Variants in NEBL observed in about 807,000 individuals in gnomAD.
NEBL encodes LIM and SH3 protein 2.
In NEBL, 122 loss-of-function variants were observed where a neutral mutation model predicts 140.2. The observed-to-expected ratio is 0.87, with a 90% CI of 0.75 to 1.01. NEBL has a LOEUF of 1.01. NEBL is among the 50% of genes least tolerant of loss of function. The probability of loss-of-function intolerance (pLI) is 0.00; values close to 1 mark genes in which losing one functional copy is unlikely to be tolerated. For missense variants in NEBL, 1,365 were observed against 1,231.3 expected (o/e 1.11, Z -1.62); for synonymous variants, 436 against 398.9 (o/e 1.09, Z -1.11).
intron 1 of NEBL, among the ~76,000 whole-genome samples, chr10:21,291,464 C>T (rs149599629): frequency 0.019 from 2,880 of 151,056 alleles, 31 homozygotes; most frequent in Non-Finnish European, 0.024. Flanking sequence ...CCATATCACA[C>T]CACTGCACTC....
intron 3 of NEBL, among the ~76,000 whole-genome samples, chr10:21,200,617 C>T (rs1399975634): frequency 2.6e-5 from 4 of 152,146 alleles, no homozygotes; most frequent in African/African-American, 7.2e-5. Flanking sequence ...CCCAACCCCA[C>T]GGGAATTTTA....
intron 11 of NEBL, among the ~76,000 whole-genome samples, chr10:20,846,673 TCTAGGCTAAA>T (rs1410567181): frequency 1.3e-5 from 2 of 152,276 alleles, no homozygotes; most frequent in Non-Finnish European, 1.5e-5. Context: ...CTAGGGCATC[TCTAGGCTAAA>T]AAGGACTCTT....
At chr10:20,835,105 C>T (rs1840746163) in intron 14 of NEBL, among the ~76,000 whole-genome samples, 1 of 152,158 alleles carries the variant, frequency 6.6e-6, no homozygotes, top group South Asian at 2.1e-4. Flanking sequence ...GACTATTGTT[C>T]TCATGTAAAG....
intron 7 of NEBL, among the ~76,000 whole-genome samples, chr10:20,862,288 T>G (rs1206363355): frequency 6.6e-6 from 1 of 152,208 alleles, no homozygotes; most frequent in Admixed American, 6.5e-5. Context: ...GAACGTTCAG[T>G]ACAGTGAGTG....
chr10:20,812,404 G>A (rs1411157753), intron 24 of NEBL, among the ~76,000 whole-genome samples: 3 of 151,682 alleles, frequency 2.0e-5, no homozygotes, highest in Non-Finnish European at 2.9e-5. Context: ...CATGTGCCAC[G>A]TTGGTGTGCT....
intron 3 of NEBL, among the ~76,000 whole-genome samples, chr10:20,967,345 G>T (rs1197080445): frequency 6.6e-6 from 1 of 152,148 alleles, no homozygotes; most frequent in Non-Finnish European, 1.5e-5. Context: ...TGTAGACACA[G>T]GGCTGGGCAT....
rs527868990 is a variant in NEBL at position 20,805,839 on chromosome 10, C to T, written c.2761+2671G>A. ...CTGCACTCCAGGCTGAGTGACACAG[C>T]GAGACTCCGTCTCAAAAAAAAAAAA... is the stretch of plus-strand genomic sequence containing the variant. On this transcript the variant is annotated intron_variant, in intron 26 of 27. Coordinates refer to ENST00000377122, the MANE Select transcript of NEBL (RefSeq NM_006393.3). 2.1e-4 allele frequency among the ~76,000 whole-genome samples: 31 copies of T among 145,378 alleles called. 1 individual carries two copies. Among genetic ancestry groups the T allele is most frequent in the South Asian group, 9.1e-4 (4 of 4,392 alleles).
intron 12 of NEBL, 95 bp downstream of exon 12, chr10:20,845,163 T>C: frequency 2.6e-6 from 2 of 778,402 alleles, no homozygotes; most frequent in Non-Finnish European, 4.3e-6. Context: ...CCTTAATATC[T>C]GAAACACTGA....
chr10:20,902,981 A>T (rs1847934174), intron 4 of NEBL, among the ~76,000 whole-genome samples: 1 of 152,188 alleles, frequency 6.6e-6, no homozygotes, highest in Non-Finnish European at 1.5e-5. Context: ...TTATCTTTGA[A>T]CTACTTCACG....
chr10:21,080,631 G>A (rs1342906342), intron 2 of NEBL, among the ~76,000 whole-genome samples: 1 of 152,176 alleles, frequency 6.6e-6, no homozygotes, highest in African/African-American at 2.4e-5. Context: ...AGCTCTGGTT[G>A]CTTTTAACTA....
At chr10:20,837,896 T>C (rs1248088355) in intron 13 of NEBL, among the ~76,000 whole-genome samples, 1 of 152,180 alleles carries the variant, frequency 6.6e-6, no homozygotes, top group Non-Finnish European at 1.5e-5. Flanking sequence ...GTTTAAAGTA[T>C]GGTTTACTGA....
At chr10:21,058,227 T>C (rs1034734327) in intron 2 of NEBL, among the ~76,000 whole-genome samples, 4 of 152,236 alleles carry the variant, frequency 2.6e-5, no homozygotes, top group Admixed American at 6.5e-5. Context: ...GCTAGACTTG[T>C]GTCCTTGCAT....
intron 9 of NEBL, among the ~76,000 whole-genome samples, chr10:20,855,429 T>A (rs1842966907): frequency 6.6e-6 from 1 of 150,840 alleles, no homozygotes; most frequent in South Asian, 2.1e-4. Flanking sequence ...ATAATGAATA[T>A]ATACTGAAAA....
upstream of NEBL, among the ~76,000 whole-genome samples, chr10:20,900,641 T>G (rs1334466055): frequency 6.9e-6 from 1 of 145,774 alleles, no homozygotes; most frequent in Non-Finnish European, 1.5e-5. Context: ...CTAGGCAACA[T>G]GGTGAAACCC....
rs143005187 is a variant in NEBL at position 21,185,108 on chromosome 10, C to G, written n.349-12631G>C. Among the ~76,000 whole-genome samples, 47 of 152,314 alleles carry G rather than the reference C, an allele frequency of 3.1e-4. No individual in the cohort carries two copies. In the East Asian group the frequency reaches 6.9e-3, roughly 22 times the overall value. ...GGTGGCCCTTCCCATAATGGTATGTCTCTTGCTCCATTAGAGAAAAAAGGA... is the reference window on the plus strand; with the variant it reads ...GGTGGCCCTTCCCATAATGGTATGTGTCTTGCTCCATTAGAGAAAAAAGGA... On this transcript the variant is annotated intron_variant and non_coding_transcript_variant, in intron 3 of 8. Transcript: ENST00000675702.
At chr10:21,026,249 G>A (rs1839024307) in intron 2 of NEBL, among the ~76,000 whole-genome samples, 1 of 152,132 alleles carries the variant, frequency 6.6e-6, no homozygotes, top group Non-Finnish European at 1.5e-5. Flanking sequence ...TGTCTCATTT[G>A]GGAGTGAGTA....
At chr10:21,075,411 C>T (rs1328159245) in intron 2 of NEBL, among the ~76,000 whole-genome samples, 4 of 152,130 alleles carry the variant, frequency 2.6e-5, no homozygotes, top group Non-Finnish European at 5.9e-5. Flanking sequence ...CCTGAAACAA[C>T]ACGACCTAAG....
chr10:21,178,597 T>C (rs1345162074), upstream of NEBL, among the ~76,000 whole-genome samples: 1 of 152,248 alleles, frequency 6.6e-6, no homozygotes, highest in Admixed American at 6.5e-5. Context: ...TGTTTACTAT[T>C]TTTCCTGTTT....
intron 4 of NEBL, among the ~76,000 whole-genome samples, chr10:20,910,724 C>T (rs907985755): frequency 7.2e-5 from 11 of 152,160 alleles, no homozygotes; most frequent in African/African-American, 2.7e-4. Flanking sequence ...ATTTATCTAC[C>T]TATCTACTAA....
Sources: allele counts gnomAD v4.1 joint callset (sites outside exome capture counted in the v4.1 genomes callset), GRCh38; gene constraint gnomAD v4.1.1; transcripts MANE v1.5; gene names NCBI Gene and HGNC (gene_info 2026-07-23, HGNC 2026-07-21).